The following TERB1 variants were observed in gnomAD, a reference collection of about 807,000 sequenced individuals.
The protein encoded by TERB1 is telomere repeats-binding bouquet formation protein 1.
In TERB1, 63 loss-of-function variants were observed where a neutral mutation model predicts 92.3. The ratio of observed to expected loss-of-function variants is 0.68; its 90% CI spans 0.56 to 0.84. TERB1 has a LOEUF of 0.84. TERB1 is among the 40% of genes least tolerant of loss of function. The pLI is 0.00. For synonymous variants in TERB1, 252 were observed against 283.9 expected (o/e 0.89, Z 1.13); for missense variants, 709 against 843.7 (o/e 0.84, Z 1.98).
intron 16 of TERB1, among the ~76,000 whole-genome samples, chr16:66,763,631 T>A (rs1319753376): frequency 6.6e-6 from 1 of 152,222 alleles, no homozygotes; most frequent in Non-Finnish European, 1.5e-5. Flanking sequence ...AAAAACTCCC[T>A]CTTTTTTTAA....
intron 10 of TERB1, among the ~76,000 whole-genome samples, chr16:66,778,336 C>A (rs1054031391): frequency 2.0e-5 from 3 of 152,040 alleles, no homozygotes; most frequent in African/African-American, 2.4e-5. Flanking sequence ...TGGCCTCAAG[C>A]AATCCTCCCA....
chr16:66,775,585 G>A (rs930777368), intron 11 of TERB1, among the ~76,000 whole-genome samples: 9 of 151,970 alleles, frequency 5.9e-5, no homozygotes, highest in African/African-American at 1.9e-4. Context: ...AGTGAGCCGA[G>A]GTCGCACCAT....
intron 2 of TERB1, among the ~76,000 whole-genome samples, chr16:66,799,642 C>T (rs559066568): frequency 1.4e-4 from 21 of 152,174 alleles, no homozygotes; most frequent in South Asian, 4.1e-4. Flanking sequence ...TTACTTTGCA[C>T]AAAAAGAGTT....
chr16:66,777,672 G>A (rs1026840868), intron 10 of TERB1, among the ~76,000 whole-genome samples: 1 of 152,110 alleles, frequency 6.6e-6, no homozygotes, highest in African/African-American at 2.4e-5. Context: ...TAAAAGCTGA[G>A]TATGCTTACT....
chr16:66,780,401 T>C (rs138770349), intron 9 of TERB1, among the ~76,000 whole-genome samples: 1 of 147,214 alleles, frequency 6.8e-6, no homozygotes, highest in Non-Finnish European at 1.5e-5. Context: ...CTCTACAAAA[T>C]AAAAAAAAAA....
At position 66,790,638 on chromosome 16, in the gene TERB1, T is replaced by C; in HGVS notation, c.228A>G (p.Lys76=). 3 of 1,550,604 alleles carry C rather than the reference T, an allele frequency of 1.9e-6. No individual in the cohort carries two copies. Among genetic ancestry groups the C allele is most frequent in the Non-Finnish European group, 2.6e-6 (3 of 1,146,198 alleles). ...CTCCTAATGTATATAAGGCTGCTTC[T>C]TTTACCATGCTATGTTCACTTGACT... ...LAKSSEHSMV[K]EAALYTLGAI... is the part of the protein sequence containing the mutation. The change falls in exon 5 of 19, where the codon AAA becomes AAG. Residue 76 remains lysine (K), a synonymous_variant. Coordinates refer to ENST00000433154, the MANE Select transcript of TERB1 (RefSeq NM_001136505.2).
upstream of TERB1, chr16:66,801,721 C>G (rs140380577): frequency 6.6e-6 from 1 of 152,366 alleles, no homozygotes; most frequent in Non-Finnish European, 1.5e-5. Context: ...TGGTCGGTGT[C>G]CCGGCCGCAA....
intron 15 of TERB1, 32 bp from the exon 16 acceptor site, chr16:66,767,542 G>T: frequency 1.1e-6 from 1 of 930,740 alleles, no homozygotes; most frequent in Non-Finnish European, 1.6e-6. Context: ...AGGATTTTTG[G>T]ATTAATGAAA....
intron 15 of TERB1, among the ~76,000 whole-genome samples, 188 bp from the exon 16 acceptor site, chr16:66,767,698 G>C (rs2018372545): frequency 6.6e-6 from 1 of 151,976 alleles, no homozygotes; most frequent in African/African-American, 2.4e-5. Context: ...TCAAAGGTGT[G>C]GCTTATGCTT....
At chr16:66,800,878 C>T (rs1938703051) in intron 2 of TERB1, 99 bp downstream of exon 2, 1 of 152,274 alleles carries the variant, frequency 6.6e-6, no homozygotes, top group South Asian at 2.1e-4. Flanking sequence ...TCCTCAGGGC[C>T]TCCTCCCAGG....
intron 9 of TERB1, among the ~76,000 whole-genome samples, chr16:66,781,755 C>T (rs1333659590): frequency 6.6e-6 from 1 of 152,042 alleles, no homozygotes; most frequent in Non-Finnish European, 1.5e-5. Flanking sequence ...CTCCTGACCT[C>T]GTGATCCGCC....
intron 16 of TERB1, among the ~76,000 whole-genome samples, chr16:66,760,466 A>G (rs150491662): frequency 1.1e-3 from 79 of 71,554 alleles, no homozygotes; most frequent in Middle Eastern, 9.8e-3. Context: ...CAAAAAAAAA[A>G]AAAAGAAAAG....
At chr16:66,772,514 G>T in intron 13 of TERB1, 75 bp downstream of exon 13, 1 of 1,283,350 alleles carries the variant, frequency 7.8e-7, no homozygotes, top group Non-Finnish European at 1.1e-6. Flanking sequence ...ATATGTCAGT[G>T]TAGTATGGAG....
chr16:66,765,847 GTA>G (rs2018333172), intron 16 of TERB1, among the ~76,000 whole-genome samples: 1 of 106,702 alleles, frequency 9.4e-6, no homozygotes, highest in African/African-American at 3.7e-5. Context: ...AAACTATTGG[GTA>G]TTTTTTTTTT....
intron 11 of TERB1, among the ~76,000 whole-genome samples, chr16:66,776,893 T>C (rs1045234820): frequency 2.7e-5 from 4 of 149,618 alleles, no homozygotes; most frequent in Non-Finnish European, 5.9e-5. Context: ...TGTGCTGCAG[T>C]GAGAAAACCA....
intron 16 of TERB1, among the ~76,000 whole-genome samples, chr16:66,760,783 CAAAAAAAAA>C (rs57817560): frequency 0.54 from 35,678 of 66,576 alleles, 6,109 homozygotes; most frequent in African/African-American, 0.6. Context: ...GACTCCATCT[CAAAAAAAAA>C]AAAAAAAAAG....
At chr16:66,781,399 T>G (rs2145182166) in intron 9 of TERB1, among the ~76,000 whole-genome samples, 1 of 152,332 alleles carries the variant, frequency 6.6e-6, no homozygotes, top group South Asian at 2.1e-4. Context: ...TATTCATATC[T>G]TCTTTGGCGA....
At chr16:66,758,331 G>A (rs1597005830) in intron 18 of TERB1, 2 of 164,770 alleles carry the variant, frequency 1.2e-5, no homozygotes, top group Non-Finnish European at 2.6e-5. Flanking sequence ...TTATTAGAAG[G>A]TCTGACCCTC....
Position 66,776,223 on chromosome 16 carries a change from G to T in TERB1, c.985+980C>A, listed in dbSNP as rs548842512. On this transcript the variant is annotated intron_variant, in intron 11 of 18. Transcript: ENST00000433154. ...GCATGCCTGTAATCCCAGCTACTCG[G>T]GAGGCTGAGACAGGAGAATTGCTTG... Among the ~76,000 whole-genome samples, 548 of 151,804 alleles carry T rather than the reference G, an allele frequency of 3.6e-3. 6 individuals are homozygous for T. The highest frequency in any genetic ancestry group is 0.013 in the African/African-American group (520 of 41,416).
Sources: gnomAD v4.1 joint callset for allele counts (sites outside exome capture counted in the v4.1 genomes callset) on GRCh38, gnomAD v4.1.1 for gene constraint, MANE v1.5 for transcripts, NCBI Gene and HGNC (gene_info 2026-07-23, HGNC 2026-07-21) for gene names.